The following TRIP12 variants were observed in gnomAD, a reference collection of about 807,000 sequenced individuals.
TRIP12 encodes the protein E3 ubiquitin-protein ligase TRIP12.
TRIP12 carries 25 observed loss-of-function variants against 244.2 expected under a neutral mutation model. The ratio of observed to expected loss-of-function variants is 0.10; its 90% confidence interval spans 0.07 to 0.14. The LOEUF (loss-of-function observed/expected upper bound fraction) is 0.14, where lower values mean the gene tolerates loss of function less well. TRIP12 is among the 10% of genes least tolerant of loss of function. TRIP12 has a pLI of 1.00. For missense variants in TRIP12, 1,677 were observed against 2,486.4 expected (o/e 0.67, Z 6.92); for synonymous variants, 905 against 873.1 (o/e 1.04, Z -0.64).
chr2:229,839,547 C>T (rs1410346571), intron 5 of TRIP12, among the ~76,000 whole-genome samples: 4 of 151,932 alleles, frequency 2.6e-5, no homozygotes, highest in Admixed American at 6.6e-5. Flanking sequence ...GGCATGGTGG[C>T]GGGCGCCTAT....
chr2:229,811,295 T>C (rs1017845195), intron 13 of TRIP12, 91 bp from the exon 14 acceptor site: 116 of 1,320,094 alleles, frequency 8.8e-5, no homozygotes, highest in Non-Finnish European at 1.1e-4. Context: ...TAACCCCAGA[T>C]TCTTCAAGGC....
intron 4 of TRIP12, among the ~76,000 whole-genome samples, chr2:229,855,243 C>T (rs541287349): frequency 1.2e-4 from 19 of 152,130 alleles, no homozygotes; most frequent in African/African-American, 4.1e-4. Flanking sequence ...TTCCAGCCTG[C>T]GCAACACAGG....
rs2061870503 is a variant in TRIP12, at chr2:229,867,954, C to G, written c.99-7423G>C. Reference sequence around the variant, plus strand: ...AGAATCAAATGTTTCTAACTTCCAACTACAGAAAAGTAGCCTCTGCTTCTC... The same window carrying G: ...AGAATCAAATGTTTCTAACTTCCAAGTACAGAAAAGTAGCCTCTGCTTCTC... On this transcript the variant is annotated intron_variant, in intron 2 of 41. Transcript: ENST00000675903. Among the ~76,000 whole-genome samples the G allele has an allele frequency of 2.6e-5, 4 of 152,318 alleles. No individual in the cohort carries two copies. The South Asian group carries it at 8.3e-4, about 32-fold the overall frequency.
intron 1 of TRIP12, among the ~76,000 whole-genome samples, chr2:229,886,655 C>T (rs1047833452): frequency 1.3e-5 from 2 of 152,048 alleles, no homozygotes; most frequent in African/African-American, 4.8e-5. Context: ...TTAGTACAGA[C>T]AGGGTTTCAC....
Position 229,859,349 on chromosome 2 carries a change from A to G in TRIP12, c.450T>C (p.His150=). 1 of 1,614,096 alleles carries G rather than the reference A, an allele frequency of 6.2e-7. No individual in the cohort carries two copies. Among genetic ancestry groups the G allele is most frequent in the Non-Finnish European group, 8.5e-7 (1 of 1,180,012 alleles). The change falls in exon 4 of 42, where the codon CAT becomes CAC. Residue 150 remains histidine (H), a synonymous_variant. Coordinates refer to ENST00000675903, the MANE Select transcript of TRIP12 (RefSeq NM_001348323.3). ...CTAAATGTCTCTTCTTTGACTTACT[A>G]TGTGGCTTATTTGTTTCTGAGGGAG... is the stretch of plus-strand genomic sequence containing the variant. ...TESPSETNKP[H]SKSKKRHLDQ... is the part of the protein sequence containing the mutation.
At chr2:229,768,562 C>T (rs1485373981) in intron 41 of TRIP12, 54 bp downstream of exon 41, 3 of 1,561,440 alleles carry the variant, frequency 1.9e-6, no homozygotes, top group Non-Finnish European at 2.6e-6. Flanking sequence ...AAGTTTCACA[C>T]TCACAAACCC....
intron 4 of TRIP12, among the ~76,000 whole-genome samples, chr2:229,850,931 G>A (rs1227871795): frequency 2.6e-5 from 4 of 152,202 alleles, no homozygotes; most frequent in East Asian, 1.9e-4. Context: ...TCGATTTCTC[G>A]CCGGGCCTTA....
At chr2:229,918,785 C>T (rs2075968866) in intron 1 of TRIP12, among the ~76,000 whole-genome samples, 1 of 152,176 alleles carries the variant, frequency 6.6e-6, no homozygotes, top group African/African-American at 2.4e-5. Context: ...TGGACCACCA[C>T]GACTAATGAG....
intron 5 of TRIP12, among the ~76,000 whole-genome samples, chr2:229,837,709 C>T (rs2055204600): frequency 6.6e-6 from 1 of 152,088 alleles, no homozygotes; most frequent in Middle Eastern, 3.4e-3. Flanking sequence ...TTTCCCAGCC[C>T]GTGTTCCAGA....
chr2:229,846,317 T>C (rs892412203), intron 4 of TRIP12, among the ~76,000 whole-genome samples: 24 of 152,174 alleles, frequency 1.6e-4, no homozygotes, highest in Non-Finnish European at 3.4e-4. Flanking sequence ...CACACCAACC[T>C]TCAGCAACCA....
At chr2:229,860,610 A>C (rs745988937) in intron 2 of TRIP12, 79 bp from the exon 3 acceptor site, 185 of 1,306,740 alleles carry the variant, frequency 1.4e-4, no homozygotes, top group Non-Finnish European at 1.8e-4. Flanking sequence ...ATATTTTTAT[A>C]TATTTCTTAA....
chr2:229,783,831 C>T (rs2039111047), intron 34 of TRIP12, among the ~76,000 whole-genome samples: 1 of 145,204 alleles, frequency 6.9e-6, no homozygotes, highest in African/African-American at 2.6e-5. Context: ...AAAAAAAAGG[C>T]CAGGCACGGT....
At chr2:229,829,164 GA>G (rs2052611076) in intron 8 of TRIP12, 28 bp downstream of exon 8, 4 of 1,596,378 alleles carry the variant, frequency 2.5e-6, no homozygotes. Context: ...ATTATTGAGG[GA>G]TTTCAGGGAA....
chr2:229,846,751 A>G (rs2057660479), intron 4 of TRIP12, among the ~76,000 whole-genome samples: 1 of 152,248 alleles, frequency 6.6e-6, no homozygotes, highest in Admixed American at 6.5e-5. Context: ...AGTAATAATA[A>G]GACAGATTTT....
At chr2:229,786,396 C>CTTTTT (rs34138414) in intron 33 of TRIP12, among the ~76,000 whole-genome samples, 2 of 127,762 alleles carry the variant, frequency 1.6e-5, no homozygotes, top group African/African-American at 6.3e-5. Context: ...AATAGGATGA[C>CTTTTT]TTTTTTTTTT....
At chr2:229,860,995 G>T (rs948131014) in intron 2 of TRIP12, among the ~76,000 whole-genome samples, 1 of 152,028 alleles carries the variant, frequency 6.6e-6, no homozygotes, top group Non-Finnish European at 1.5e-5. Flanking sequence ...TTAAAATTCA[G>T]GTAAACACAG....
At chr2:229,814,478 A>T in intron 11 of TRIP12, 153 bp from the exon 12 acceptor site, 1 of 620,700 alleles carries the variant, frequency 1.6e-6, no homozygotes, top group Non-Finnish European at 2.7e-6. Flanking sequence ...CTTAAGCTAC[A>T]AAGTATAGCC....
rs527566669 is a variant in TRIP12 at position 229,778,586 on chromosome 2, C to A, written c.5211G>T (p.Gly1737=). 2 of 1,607,250 alleles carry A rather than the reference C, an allele frequency of 1.2e-6. No individual in the cohort carries two copies. The highest frequency in any genetic ancestry group is 4.5e-5 in the East Asian group (2 of 44,790). ...GEEVTLSNPK[G]SQEGTKYIQN... ...GAATATACTTGGTCCCTTCTTGGCTCCCTGAAAAACAAGCAATGCAGCAAA... is the reference window on the plus strand; with the variant it reads ...GAATATACTTGGTCCCTTCTTGGCTACCTGAAAAACAAGCAATGCAGCAAA... Residue 1737 remains glycine, a splice_region_variant and synonymous_variant, in exon 36 of 42, where the codon GGG becomes GGT. Transcript: ENST00000675903. The surrounding 1 kb of genome is among the most constrained non-coding windows in gnomAD (Gnocchi z 4.1).
chr2:229,784,860 G>C (rs757820409), intron 34 of TRIP12, among the ~76,000 whole-genome samples: 2 of 152,136 alleles, frequency 1.3e-5, no homozygotes, highest in Non-Finnish European at 2.9e-5. Context: ...GAAAAGTTTT[G>C]TATCTCTAAC....
Sources: gnomAD v4.1 joint callset for allele counts (sites outside exome capture counted in the v4.1 genomes callset) on GRCh38, gnomAD v4.1.1 for gene constraint, Gnocchi (gnomAD v3.1) non-coding constraint, MANE v1.5 for transcripts, NCBI Gene and HGNC (gene_info 2026-07-23, HGNC 2026-07-21) for gene names.